The following KDM4C variants were observed in gnomAD, a reference collection of about 807,000 sequenced individuals.
KDM4C encodes the protein lysine-specific demethylase 4C.
Under a neutral mutation model 129.3 loss-of-function variants are expected in KDM4C, and 81 were observed. That is an observed-to-expected ratio of 0.63 (90% CI 0.52 to 0.75). KDM4C has a LOEUF of 0.75. Among genes scored for constraint, KDM4C ranks in the 30% least tolerant of loss-of-function variants. The pLI is 0.00. For missense variants in KDM4C, 1,457 were observed against 1,304.0 expected (o/e 1.12, Z -1.81); for synonymous variants, 573 against 456.1 (o/e 1.26, Z -3.26).
chr9:6,749,180 C>T (rs1013655148), intron 1 of KDM4C, among the ~76,000 whole-genome samples: 2 of 152,106 alleles, frequency 1.3e-5, no homozygotes, highest in South Asian at 2.1e-4. Context: ...CCACCACGCC[C>T]GGCTAATTTT....
intron 19 of KDM4C, among the ~76,000 whole-genome samples, chr9:7,136,533 A>AT (rs1421178952): frequency 2.0e-5 from 3 of 152,246 alleles, no homozygotes; most frequent in African/African-American, 7.2e-5. Context: ...TAGTGGATGT[A>AT]TAGTGTTATT....
intron 18 of KDM4C, among the ~76,000 whole-genome samples, chr9:7,118,223 T>C (rs1839124621): frequency 6.6e-6 from 1 of 152,220 alleles, no homozygotes; most frequent in Admixed American, 6.5e-5. Context: ...TTACCACCAT[T>C]TCCCACTGTA....
intron 17 of KDM4C, among the ~76,000 whole-genome samples, chr9:7,094,512 C>T (rs1836185156): frequency 6.6e-6 from 1 of 152,198 alleles, no homozygotes; most frequent in Non-Finnish European, 1.5e-5. Context: ...AAACTCACTG[C>T]TGCGTGATTT....
rs753658300 is a variant in KDM4C, at chr9:6,805,582, C to G, written c.145-17C>G. 6.4e-7 allele frequency: 1 copy of G among 1,559,070 alleles called. No homozygotes were observed. Among genetic ancestry groups the G allele is most frequent in the Non-Finnish European group, 8.7e-7 (1 of 1,147,588 alleles). On this transcript the variant is annotated splice_polypyrimidine_tract_variant and intron_variant, in intron 2 of 21. Coordinates refer to ENST00000381309, the MANE Select transcript of KDM4C (RefSeq NM_015061.6). Reference sequence around the variant, plus strand: ...GTATTTTCAAGATGATATTTTATTTCATTATTTTATTTTTAGGTGATTCCT... The same window carrying G: ...GTATTTTCAAGATGATATTTTATTTGATTATTTTATTTTTAGGTGATTCCT...
rs534514416 is a variant in KDM4C, at chr9:6,969,504, C to G, written c.922-11421C>G. On this transcript the variant is annotated intron_variant, in intron 8 of 21. Coordinates refer to ENST00000381309, the MANE Select transcript of KDM4C (RefSeq NM_015061.6). ...ATGTAAAAATGGAAATGTAAACAGT[C>G]TCTTTTGGCAGATCCTTATATATAC... 3.3e-5 allele frequency among the ~76,000 whole-genome samples: 5 copies of G among 152,232 alleles called. No individual in the cohort carries two copies. In the East Asian group the frequency reaches 9.7e-4, roughly 29 times the overall value.
intron 5 of KDM4C, among the ~76,000 whole-genome samples, chr9:6,855,441 A>G (rs1329620658): frequency 7.4e-6 from 1 of 134,632 alleles, no homozygotes; most frequent in Non-Finnish European, 1.5e-5. Context: ...CCTGGGGAAC[A>G]CAGTGAGACT....
chr9:7,091,835 A>G (rs1196353765), intron 17 of KDM4C, among the ~76,000 whole-genome samples: 1 of 152,244 alleles, frequency 6.6e-6, no homozygotes, highest in Non-Finnish European at 1.5e-5. Flanking sequence ...AGGCCTGACC[A>G]GGGAACCTGG....
At chr9:6,786,055 T>C (rs1414796139) in intron 1 of KDM4C, among the ~76,000 whole-genome samples, 2 of 152,244 alleles carry the variant, frequency 1.3e-5, no homozygotes, top group Admixed American at 6.5e-5. Flanking sequence ...ACATCAGTTC[T>C]GTGGCAGGCT....
chr9:6,801,864 G>T (rs938675197), intron 2 of KDM4C, among the ~76,000 whole-genome samples: 13 of 152,044 alleles, frequency 8.6e-5, no homozygotes, highest in Admixed American at 6.5e-5. Flanking sequence ...CAGCACTTTG[G>T]GAGGCTGAGG....
In KDM4C at chr9:7,073,009, G is replaced by A. The variant is rs145936911; in HGVS notation, c.2424+23809G>A. 2.6e-3 allele frequency among the ~76,000 whole-genome samples: 402 copies of A among 152,280 alleles called. 10 individuals carry two copies. Among genetic ancestry groups the A allele is most frequent in the East Asian group, 0.025 (129 of 5,182 alleles). ...GTGGTGAAGAAAAGTAGTAGGAGAA[G>A]TAGTGAGAGGAAAGAATGTAGATGA... On this transcript the variant is annotated intron_variant, in intron 17 of 21. Transcript: ENST00000381309.
At chr9:6,741,965 T>C (rs1295572117) in intron 1 of KDM4C, among the ~76,000 whole-genome samples, 1 of 151,870 alleles carries the variant, frequency 6.6e-6, no homozygotes, top group Non-Finnish European at 1.5e-5. Flanking sequence ...ATAAAATGTT[T>C]TTATTTATTT....
chr9:7,156,356 A>G (rs1843170250), intron 19 of KDM4C, among the ~76,000 whole-genome samples: 1 of 152,196 alleles, frequency 6.6e-6, no homozygotes, highest in South Asian at 2.1e-4. Flanking sequence ...TCTTTAGTTT[A>G]ATTTCATGCC....
intron 15 of KDM4C, among the ~76,000 whole-genome samples, chr9:7,030,666 A>T (rs1374694196): frequency 1.3e-5 from 2 of 152,232 alleles, no homozygotes; most frequent in African/African-American, 2.4e-5. Context: ...GCCTTACTGT[A>T]ACCCTGTCTG....
chr9:7,068,686 CTTT>C lies in KDM4C; in HGVS notation c.2424+19511_2424+19513del, dbSNP rs542039227. ...TTCATACATGTTTATGATGCCCTTTCTTTTTTTTTTTTTTTTTTTTTTTTTTTG... is the reference window on the plus strand; with the variant it reads ...TTCATACATGTTTATGATGCCCTTTCTTTTTTTTTTTTTTTTTTTTTTTTG... On this transcript the variant is annotated intron_variant, in intron 17 of 21. Coordinates refer to ENST00000381309, the MANE Select transcript of KDM4C (RefSeq NM_015061.6). Among the ~76,000 whole-genome samples the C allele has an allele frequency of 1.3e-4, 13 of 101,764 alleles. 1 individual carries two copies. Among genetic ancestry groups the C allele is most frequent in the African/African-American group, 3.5e-4 (9 of 25,940 alleles). The allele number at this position is 101,764 out of a possible 152,430, so 66.8% of individuals were successfully genotyped here.
At chr9:7,094,875 C>G (rs2133075906) in intron 17 of KDM4C, among the ~76,000 whole-genome samples, 2 of 152,236 alleles carry the variant, frequency 1.3e-5, no homozygotes, top group Admixed American at 1.3e-4. Flanking sequence ...AGGTCACAGA[C>G]AGAACAATTC....
intron 5 of KDM4C, among the ~76,000 whole-genome samples, chr9:6,878,808 C>A (rs1465785980): frequency 1.4e-5 from 2 of 140,940 alleles, no homozygotes; most frequent in African/African-American, 2.9e-5. Flanking sequence ...CACACCCACA[C>A]CCACACCCAC....
At chr9:7,001,252 C>T (rs186663275) in intron 12 of KDM4C, among the ~76,000 whole-genome samples, 2 of 152,226 alleles carry the variant, frequency 1.3e-5, no homozygotes, top group Admixed American at 1.3e-4. Flanking sequence ...TTTTGTTTTA[C>T]AGAGATTTTT....
At chr9:6,767,028 C>G (rs944244139) in intron 1 of KDM4C, among the ~76,000 whole-genome samples, 1 of 152,140 alleles carries the variant, frequency 6.6e-6, no homozygotes, top group African/African-American at 2.4e-5. Context: ...GAGAGTCCAT[C>G]AGATACTTTG....
chr9:6,864,882 C>G (rs1329711323), intron 5 of KDM4C, among the ~76,000 whole-genome samples: 3 of 151,442 alleles, frequency 2.0e-5, no homozygotes, highest in Non-Finnish European at 2.9e-5. Flanking sequence ...TTTCTTTCCT[C>G]TGCTTGATCA....
Sources: gnomAD v4.1 joint callset for allele counts (sites outside exome capture counted in the v4.1 genomes callset) on GRCh38, gnomAD v4.1.1 for gene constraint, MANE v1.5 for transcripts, NCBI Gene and HGNC (gene_info 2026-07-23, HGNC 2026-07-21) for gene names.